Variants in HTT observed in about 807,000 individuals in gnomAD.
HTT encodes huntingtin.
In HTT, 104 loss-of-function variants were observed where a neutral mutation model predicts 362.3. That is an observed-to-expected ratio of 0.29 (90% CI 0.24 to 0.34). The LOEUF is 0.34. Among genes scored for constraint, HTT ranks in the 10% least tolerant of loss-of-function variants. The probability of loss-of-function intolerance (pLI) is 1.00; values close to 1 mark genes in which losing one functional copy is unlikely to be tolerated. For missense variants in HTT, 3,301 were observed against 3,928.6 expected, an observed-to-expected ratio of 0.84 and a Z score of 4.27; for synonymous variants, 1,577 against 1,548.7, an observed-to-expected ratio of 1.02 and a Z score of -0.43.
rs767020452 is a variant in HTT, at chr4:3,121,470, T to A, written c.1273+38T>A. The A allele has an allele frequency of 2.8e-6, 4 of 1,416,952 alleles. No individual in the cohort carries two copies. In the South Asian group the frequency reaches 3.5e-5, roughly 12 times the overall value. 87.8% of individuals were successfully genotyped at this position (1,416,952 alleles called of 1,614,324 possible). On this transcript the variant is annotated intron_variant, in intron 9 of 66. Coordinates refer to ENST00000355072, the MANE Select transcript of HTT (RefSeq NM_001388492.1). ...CAAGGTCTACTCTTACAATTAACTT[T>A]GCAGTAATACTAGTTACACTCTATT... is the stretch of plus-strand genomic sequence containing the variant.
chr4:3,228,675 G>A lies in HTT; in HGVS notation c.7909G>A (p.Asp2637Asn). The A allele has an allele frequency of 2.5e-6, 4 of 1,609,996 alleles. No homozygotes were observed. Among genetic ancestry groups the A allele is most frequent in the Non-Finnish European group, 2.5e-6 (3 of 1,177,730 alleles). Residue 2637 changes from aspartate (D) to asparagine (N), a missense_variant, in exon 58 of 67, where the codon GAC becomes AAC. Physicochemically the swap from Asp to Asn is conservative, Grantham distance 23. Coordinates refer to ENST00000355072, the MANE Select transcript of HTT (RefSeq NM_001388492.1). This position sits in a 1 kb window ranked among gnomAD's most constrained non-coding sequence, Gnocchi z 4.3. ...SITPLREEEWDEEEEEEADAP... is the reference protein window; with the variant it reads ...SITPLREEEWNEEEEEEADAP... ...CACACCCCTGAGGGAGGAGGAATGG[G>A]ACGAGGAAGAGGAGGAGGAGGCCGA...
intron 21 of HTT, 75 bp from the exon 22 acceptor site, chr4:3,140,435 G>A (rs762253287): frequency 2.2e-6 from 3 of 1,341,236 alleles, no homozygotes; most frequent in East Asian, 2.3e-5. Context: ...TTAGCCATCT[G>A]CAGGGAGGAG....
rs1204154951 is a variant in HTT at position 3,134,720 on chromosome 4, AATTTT to A, written c.2633+194_2633+198del. On this transcript the variant is annotated intron_variant, in intron 19 of 66. Transcript: ENST00000355072. ...TTGCTGAACTTTGCCCTATGCTTGG[AATTTT>A]ATTTTATTTTATTATTTATTTAGAG... Among the ~76,000 whole-genome samples the A allele has an allele frequency of 4.6e-5, 7 of 151,910 alleles. No homozygotes were observed. The East Asian group carries it at 9.7e-4, about 21-fold the overall frequency.
intron 2 of HTT, among the ~76,000 whole-genome samples, chr4:3,090,859 C>A (rs1285498450): frequency 6.6e-6 from 1 of 152,214 alleles, no homozygotes; most frequent in Non-Finnish European, 1.5e-5. Flanking sequence ...TGCCTGTAAT[C>A]CCAGCACTTT....
chr4:3,084,578 T>C (rs548356516), intron 1 of HTT, among the ~76,000 whole-genome samples: 1 of 151,736 alleles, frequency 6.6e-6, no homozygotes, highest in African/African-American at 2.4e-5. Context: ...TAGTCCCAGC[T>C]ACTTGGGAGG....
intron 1 of HTT, among the ~76,000 whole-genome samples, chr4:3,084,742 G>A (rs1037434316): frequency 2.6e-5 from 4 of 151,428 alleles, no homozygotes; most frequent in African/African-American, 4.9e-5. Context: ...GGCCGGGTGT[G>A]GTGGCTCACA....
At chr4:3,113,649 T>G (rs1337077484) in intron 6 of HTT, among the ~76,000 whole-genome samples, 1 of 152,178 alleles carries the variant, frequency 6.6e-6, no homozygotes, top group East Asian at 1.9e-4. Context: ...TTTTAAGATG[T>G]TAGTATCTTT....
intron 40 of HTT, among the ~76,000 whole-genome samples, chr4:3,190,038 CAAG>C (rs1240524166): frequency 2.6e-5 from 4 of 151,568 alleles, no homozygotes; most frequent in African/African-American, 9.7e-5. Context: ...CAAAACAAGA[CAAG>C]AGCCAAAAAT....
chr4:3,231,411 C>G (rs1294582772), intron 60 of HTT, among the ~76,000 whole-genome samples: 2 of 152,172 alleles, frequency 1.3e-5, no homozygotes, highest in Admixed American at 6.5e-5. Context: ...CTGACAAGGC[C>G]AAGGGTGACC....
intron 23 of HTT, among the ~76,000 whole-genome samples, chr4:3,144,653 A>T (rs1002030515): frequency 2.0e-5 from 3 of 152,190 alleles, no homozygotes; most frequent in African/African-American, 7.2e-5. Flanking sequence ...AAATACTTCC[A>T]TGTTATAGAA....
intron 40 of HTT, among the ~76,000 whole-genome samples, chr4:3,189,378 T>C (rs998504787): frequency 6.6e-6 from 1 of 152,234 alleles, no homozygotes; most frequent in East Asian, 1.9e-4. Flanking sequence ...CCAACTGAAG[T>C]GTCCCTCGAT....
chr4:3,215,088 C>T, intron 50 of HTT, 22 bp from the exon 51 acceptor site: 1 of 1,576,504 alleles, frequency 6.3e-7, no homozygotes, highest in Non-Finnish European at 8.7e-7. Context: ...AAATTCTTCT[C>T]TTTGTTCTGT....
chr4:3,199,370 T>C (rs1719418953), intron 40 of HTT, among the ~76,000 whole-genome samples: 1 of 152,050 alleles, frequency 6.6e-6, no homozygotes, highest in South Asian at 2.1e-4. Context: ...TGAAACCCCC[T>C]CTATACTAAA....
At position 3,212,878 on chromosome 4, in the gene HTT, C is replaced by T. The variant is rs1219404642; in HGVS notation, c.6774+169C>T. The T allele has an allele frequency of 6.8e-5, 48 of 708,436 alleles. No individual in the cohort carries two copies. In the East Asian group the frequency reaches 1.3e-3, roughly 19 times the overall value. 43.9% of individuals were successfully genotyped at this position (708,436 alleles called of 1,614,324 possible). ...TCACCGTCAAGTTATTGTAGCCATC[C>T]TTCACCCTCACCTCGCCACTCCTCA... On this transcript the variant is annotated intron_variant, in intron 49 of 66. Coordinates refer to ENST00000355072, the MANE Select transcript of HTT (RefSeq NM_001388492.1).
At chr4:3,121,886 G>A (rs1715313971) in intron 9 of HTT, among the ~76,000 whole-genome samples, 3 of 152,184 alleles carry the variant, frequency 2.0e-5, no homozygotes, top group African/African-American at 7.2e-5. Flanking sequence ...AATAAAATAA[G>A]AGAATTAAAG....
chr4:3,106,759 G>A (rs1190553550), intron 5 of HTT, among the ~76,000 whole-genome samples: 1 of 152,068 alleles, frequency 6.6e-6, no homozygotes, highest in East Asian at 1.9e-4. Flanking sequence ...CTGAGGCCGT[G>A]CTTGTTGCCA....
Position 3,107,374 on chromosome 4 carries a change from C to A in HTT, c.698C>A (p.Pro233His). Residue 233 changes from proline to histidine, a missense_variant, in exon 6 of 67, where the codon CCC (proline) becomes CAC (histidine). By Grantham distance (77) the Pro-to-His change is moderately conservative. Coordinates refer to ENST00000355072, the MANE Select transcript of HTT (RefSeq NM_001388492.1). ...CAGGAGACCTTGGCTGCAGCTGTTCCCAAAATTATGGCTTCTTTTGGCAAT... is the reference window on the plus strand; with the variant it reads ...CAGGAGACCTTGGCTGCAGCTGTTCACAAAATTATGGCTTCTTTTGGCAAT... ...SVQETLAAAV[P>H]KIMASFGNFA... 6.2e-7 allele frequency: 1 copy of A among 1,614,116 alleles called. No homozygotes were observed. The highest frequency in any genetic ancestry group is 1.3e-5 in the African/African-American group (1 of 75,012).
chr4:3,151,368 CAGAG>C (rs753833247), intron 26 of HTT, among the ~76,000 whole-genome samples: 9 of 147,680 alleles, frequency 6.1e-5, no homozygotes, highest in South Asian at 2.1e-4. Context: ...GAGAGAGAGA[CAGAG>C]AGAGAGAGAG....
At position 3,121,388 on chromosome 4, in the gene HTT, A is replaced by G; in HGVS notation, c.1229A>G (p.Glu410Gly). The change falls in exon 9 of 67, where the codon GAG (glutamate) becomes GGG (glycine). Residue 410 changes from glutamate (E) to glycine (G), a missense_variant. Physicochemically the swap from Glu to Gly is moderately conservative, Grantham distance 98 (BLOSUM62 -2). This residue lies in a region of HTT where 2,316 missense variants were observed against 2,658.5 expected (regional missense o/e 0.87). Coordinates refer to ENST00000355072, the MANE Select transcript of HTT (RefSeq NM_001388492.1). ...GGGCAGCTCACCGCTGCTAAGGAGG[A>G]GTCTGGTGGCCGAAGCCGTAGTGGG... ...GIGQLTAAKE[E>G]SGGRSRSGSI... 2.5e-6 allele frequency: 4 copies of G among 1,614,078 alleles called. No homozygotes were observed. The highest frequency in any genetic ancestry group is 3.4e-6 in the Non-Finnish European group (4 of 1,179,990).
Sources: gnomAD v4.1 joint callset for allele counts (sites outside exome capture counted in the v4.1 genomes callset) on GRCh38, gnomAD v4.1.1 for gene constraint, gnomAD v4.1.1 regional missense constraint, Gnocchi (gnomAD v3.1) non-coding constraint, MANE v1.5 for transcripts, NCBI Gene and HGNC (gene_info 2026-07-23, HGNC 2026-07-21) for gene names.